Variants in FREM2 observed in about 807,000 individuals in gnomAD.
FREM2 encodes FRAS1 related extracellular matrix 2, also known as FRAS1-related extracellular matrix protein 2.
In FREM2, 119 loss-of-function variants were observed where a neutral mutation model predicts 219.9. The observed-to-expected ratio is 0.54, with a 90% confidence interval of 0.47 to 0.63. The LOEUF is 0.63. Ranked by LOEUF, FREM2 falls within the 30% of genes least tolerant of loss-of-function variation. FREM2 has a pLI of 0.00. For missense variants in FREM2, 4,030 were observed against 3,993.6 expected (o/e 1.01, Z -0.25); for synonymous variants, 1,562 against 1,522.8 (o/e 1.03, Z -0.60).
At chr13:38,713,279 G>C (rs1406772221) in intron 2 of FREM2, among the ~76,000 whole-genome samples, 3 of 152,154 alleles carry the variant, frequency 2.0e-5, no homozygotes, top group African/African-American at 7.2e-5. Context: ...CTTATTAACA[G>C]AGTGATATCA....
rs1874737989 is a variant in FREM2 at position 38,885,333 on chromosome 13, G to GT, written c.*4547dup. The GT allele has an allele frequency of 6.6e-6, 1 of 152,130 alleles. No individual in the cohort carries two copies. Among genetic ancestry groups the GT allele is most frequent in the Admixed American group, 6.6e-5 (1 of 15,266 alleles). 9.4% of individuals were successfully genotyped at this position (152,130 alleles called of 1,614,324 possible). A position where few individuals can be genotyped will look rare whatever the true frequency, so the allele number is the denominator to read the frequency against. On this transcript the variant is annotated 3_prime_UTR_variant, in exon 24 of 24. Transcript: ENST00000280481. ...TAAATTTGCAAACTTTTGAACAGCA[G>GT]TAATAGCTCCTTAGACACTCAGTAT... is the stretch of plus-strand genomic sequence containing the variant.
Position 38,769,747 on chromosome 13 carries a change from CG to C in FREM2, c.5581del (p.Val1861CysfsTer50). ...ETFQVVLSEP[V>X]LAALEFPTVA... is the part of the protein sequence containing the mutation. Reference sequence around the variant, plus strand: ...CCTTTCAGGTGGTACTCTCAGAGCCCGTGCTGGCTGCCTTGGAATTCCCCAC... The same window carrying C: ...CCTTTCAGGTGGTACTCTCAGAGCCCTGCTGGCTGCCTTGGAATTCCCCAC... On this transcript the variant is annotated frameshift_variant, in exon 4 of 24. Transcript: ENST00000280481. LOFTEE classifies it high-confidence loss of function. The C allele has an allele frequency of 6.2e-7, 1 of 1,614,106 alleles. No homozygotes were observed. Among genetic ancestry groups the C allele is most frequent in the Non-Finnish European group, 8.5e-7 (1 of 1,180,006 alleles).
chr13:38,806,725 G>A (rs1875243594), intron 6 of FREM2, among the ~76,000 whole-genome samples: 3 of 151,958 alleles, frequency 2.0e-5, no homozygotes, highest in South Asian at 4.2e-4. Flanking sequence ...GATGGTTGTG[G>A]TAATTACTTA....
chr13:38,816,829 A>G (rs1284822696), intron 6 of FREM2, among the ~76,000 whole-genome samples: 1 of 152,158 alleles, frequency 6.6e-6, no homozygotes, highest in Non-Finnish European at 1.5e-5. Context: ...AAAACCTTAA[A>G]GACTCCATTG....
chr13:38,759,860 A>C (rs1873160304), intron 2 of FREM2, among the ~76,000 whole-genome samples: 1 of 152,230 alleles, frequency 6.6e-6, no homozygotes, highest in Admixed American at 6.5e-5. Flanking sequence ...AGAGGAGTTT[A>C]CGTGATAGGT....
Position 38,886,398 on chromosome 13 carries a change from A to AGG in FREM2, c.*5611_*5612insGG. Reference sequence around the variant, plus strand: ...TACATATATATATAGAGAGAGAGAGATAGATTTTTTTTTTTTGAGACAGAG... The same window carrying AGG: ...TACATATATATATAGAGAGAGAGAGAGGTAGATTTTTTTTTTTTGAGACAGAG... On this transcript the variant is annotated 3_prime_UTR_variant, in exon 24 of 24. Transcript: ENST00000280481. 1.3e-5 allele frequency: 1 copy of AGG among 75,312 alleles called. No individual in the cohort carries two copies. 4.7% of individuals were successfully genotyped at this position (75,312 alleles called of 1,614,324 possible).
Position 38,689,187 on chromosome 13 carries a change from A to T in FREM2, c.1843A>T (p.Thr615Ser). 6.2e-7 allele frequency: 1 copy of T among 1,613,826 alleles called. No individual in the cohort carries two copies. The highest frequency in any genetic ancestry group is 8.5e-7 in the Non-Finnish European group (1 of 1,179,974). The change falls in exon 1 of 24, where the codon ACT (threonine) becomes TCT (serine). Residue 615 changes from threonine (T) to serine (S), a missense_variant. Coordinates refer to ENST00000280481, the MANE Select transcript of FREM2 (RefSeq NM_207361.6). ...LTTGHLLLRQ[T>S]HPPHEKQELL... The stretch of plus-strand genomic sequence containing the variant: ...TACGGGGCATCTGCTTCTCCGCCAA[A>T]CTCACCCTCCCCATGAGAAGCAGGA...
intron 6 of FREM2, among the ~76,000 whole-genome samples, chr13:38,840,913 A>G (rs1342021535): frequency 6.6e-6 from 1 of 152,128 alleles, no homozygotes; most frequent in Non-Finnish European, 1.5e-5. Context: ...GCATTTCTAT[A>G]TGACAGGTCC....
intron 2 of FREM2, among the ~76,000 whole-genome samples, chr13:38,731,834 G>C (rs551505304): frequency 6.6e-6 from 1 of 152,278 alleles, no homozygotes; most frequent in South Asian, 2.1e-4. Flanking sequence ...AGCTGCTGCT[G>C]TTCATGTTTG....
intron 16 of FREM2, among the ~76,000 whole-genome samples, chr13:38,872,446 A>G (rs771171916): frequency 1.6e-4 from 24 of 149,102 alleles, no homozygotes; most frequent in South Asian, 4.2e-4. Context: ...TATGTAAACT[A>G]TCTTCATAAA....
chr13:38,711,341 G>C (rs1593358194), intron 2 of FREM2, among the ~76,000 whole-genome samples: 1 of 152,104 alleles, frequency 6.6e-6, no homozygotes, highest in African/African-American at 2.4e-5. Context: ...ATAGCAGTAA[G>C]AGATAAAGTG....
chr13:38,838,863 C>T (rs193276677), intron 6 of FREM2, among the ~76,000 whole-genome samples: 4 of 152,150 alleles, frequency 2.6e-5, no homozygotes, highest in African/African-American at 9.6e-5. Context: ...TTCCTCAAAC[C>T]TTCTTTCAAG....
At chr13:38,746,364 G>A (rs1872485059) in intron 2 of FREM2, among the ~76,000 whole-genome samples, 1 of 152,162 alleles carries the variant, frequency 6.6e-6, no homozygotes. Context: ...TGTGTTGAGT[G>A]TAAAGTGCAG....
rs1878673422 is a variant in FREM2, at chr13:38,884,800, CA to C, written c.*4016del. The C allele has an allele frequency of 6.6e-6, 1 of 152,028 alleles. No individual in the cohort carries two copies. Among genetic ancestry groups the C allele is most frequent in the African/African-American group, 2.4e-5 (1 of 41,396 alleles). 9.4% of individuals were successfully genotyped at this position (152,028 alleles called of 1,614,324 possible). Reference sequence around the variant, plus strand: ...TACACACACACAGACATAAAATAACCAAACATCTCATTTCTAGGAAAGAGAT... The same window carrying C: ...TACACACACACAGACATAAAATAACCAACATCTCATTTCTAGGAAAGAGAT... On this transcript the variant is annotated 3_prime_UTR_variant, in exon 24 of 24. Coordinates refer to ENST00000280481, the MANE Select transcript of FREM2 (RefSeq NM_207361.6).
chr13:38,875,122 C>T (rs750689761), intron 18 of FREM2, among the ~76,000 whole-genome samples: 15 of 151,294 alleles, frequency 9.9e-5, no homozygotes, highest in Non-Finnish European at 1.8e-4. Context: ...AGGCAGCAGT[C>T]GATAAAATCC....
chr13:38,706,470 T>C (rs1870544469), intron 2 of FREM2, among the ~76,000 whole-genome samples: 1 of 152,212 alleles, frequency 6.6e-6, no homozygotes, highest in Non-Finnish European at 1.5e-5. Context: ...ATTTAGGCAC[T>C]GAGAAGAGCT....
At chr13:38,753,256 C>T (rs1258593881) in intron 2 of FREM2, among the ~76,000 whole-genome samples, 1 of 152,038 alleles carries the variant, frequency 6.6e-6, no homozygotes, top group Admixed American at 6.6e-5. Flanking sequence ...TAAGTCCTCC[C>T]AAATTATGTA....
In FREM2 at chr13:38,689,576, G is replaced by GC. The variant is rs113570727; in HGVS notation, c.2238dup (p.Thr747HisfsTer19). 1.2e-6 allele frequency: 2 copies of GC among 1,612,578 alleles called. No individual in the cohort carries two copies. The highest frequency in any genetic ancestry group is 1.7e-6 in the Non-Finnish European group (2 of 1,179,088). On this transcript the variant is annotated frameshift_variant, in exon 1 of 24. Transcript: ENST00000280481. LOFTEE classifies it high-confidence loss of function. ...GAGAACTACGTTACACAGTGACTCAGCCCCCCACAGACACAGACGAAAATC... is the reference window on the plus strand; with the variant it reads ...GAGAACTACGTTACACAGTGACTCAGCCCCCCCACAGACACAGACGAAAATC...
chr13:38,697,356 A>G (rs1352623576), intron 1 of FREM2, among the ~76,000 whole-genome samples: 2 of 152,204 alleles, frequency 1.3e-5, no homozygotes, highest in African/African-American at 2.4e-5. Context: ...CCATGCCTCA[A>G]AATATCTTCC....
Sources: allele counts gnomAD v4.1 joint callset (sites outside exome capture counted in the v4.1 genomes callset), GRCh38; gene constraint gnomAD v4.1.1; transcripts MANE v1.5; gene names NCBI Gene and HGNC (gene_info 2026-07-23, HGNC 2026-07-21).